Variants in CTNNA3 observed in about 807,000 individuals in gnomAD.
CTNNA3 encodes the protein catenin alpha-3.
In CTNNA3, 76 loss-of-function variants were observed where a neutral mutation model predicts 95.7. The observed-to-expected ratio is 0.79, with a 90% CI of 0.66 to 0.96. The LOEUF is 0.96. CTNNA3 is among the 40% of genes least tolerant of loss of function. CTNNA3 has a pLI of 0.00. For synonymous variants in CTNNA3, 431 were observed against 374.4 expected, an observed-to-expected ratio of 1.15 and a Z score of -1.74; for missense variants, 1,191 against 1,089.8, an observed-to-expected ratio of 1.09 and a Z score of -1.31.
At chr10:66,464,155 T>C (rs1316699957) in intron 11 of CTNNA3, among the ~76,000 whole-genome samples, 2 of 152,156 alleles carry the variant, frequency 1.3e-5, no homozygotes, top group Non-Finnish European at 2.9e-5. Flanking sequence ...TAGGGAACTT[T>C]AAACTTTGTT....
intron 5 of CTNNA3, among the ~76,000 whole-genome samples, chr10:67,310,859 G>C (rs1040913836): frequency 6.6e-6 from 1 of 152,160 alleles, no homozygotes; most frequent in African/African-American, 2.4e-5. Context: ...TTCAAGATGA[G>C]ACTTGTGTGG....
chr10:67,578,998 T>G (rs1169713988), intron 3 of CTNNA3, among the ~76,000 whole-genome samples: 65 of 49,998 alleles, frequency 1.3e-3, no homozygotes, highest in African/African-American at 0.011. Flanking sequence ...ATCATAGTGA[T>G]ATATATATAT....
intron 5 of CTNNA3, among the ~76,000 whole-genome samples, chr10:67,497,906 T>G (rs535690917): frequency 6.6e-6 from 1 of 152,358 alleles, no homozygotes; most frequent in African/African-American, 2.4e-5. Context: ...TGATAATAGT[T>G]TCTTTTGCTG....
At chr10:67,716,951 A>G (rs1050879068) in intron 1 of CTNNA3, among the ~76,000 whole-genome samples, 11 of 152,186 alleles carry the variant, frequency 7.2e-5, no homozygotes, top group Non-Finnish European at 1.5e-4. Flanking sequence ...GTGTAAAGGC[A>G]TTCCTATTTC....
chr10:67,693,605 A>T (rs1220482261), intron 1 of CTNNA3, among the ~76,000 whole-genome samples: 1 of 152,194 alleles, frequency 6.6e-6, no homozygotes, highest in Non-Finnish European at 1.5e-5. Flanking sequence ...ATTATTACTG[A>T]ATAATAAAAA....
chr10:67,574,378 T>G (rs533844081), intron 3 of CTNNA3, among the ~76,000 whole-genome samples: 1 of 152,276 alleles, frequency 6.6e-6, no homozygotes, highest in South Asian at 2.1e-4. Flanking sequence ...CAATGTTTGA[T>G]AATTTGAATT....
chr10:66,673,361 T>C (rs1846733430), intron 9 of CTNNA3, among the ~76,000 whole-genome samples: 1 of 152,112 alleles, frequency 6.6e-6, no homozygotes, highest in Non-Finnish European at 1.5e-5. Context: ...TTGATGTAGC[T>C]AAAAAATATT....
chr10:67,599,033 T>C (rs2133364082), intron 3 of CTNNA3, among the ~76,000 whole-genome samples: 1 of 152,324 alleles, frequency 6.6e-6, no homozygotes. Flanking sequence ...AAAGTTTGAA[T>C]CCTGCAAGTT....
chr10:66,202,366 A>C (rs2087483204), intron 13 of CTNNA3, among the ~76,000 whole-genome samples: 1 of 152,192 alleles, frequency 6.6e-6, no homozygotes, highest in South Asian at 2.1e-4. Flanking sequence ...AACTGTTGTT[A>C]GAATCATGTT....
In CTNNA3 at chr10:66,972,703, T is replaced by C. The variant is rs1213468468; in HGVS notation, c.1048-197179A>G. ...ATTTAAAGGTTCTGTCAAATAGATT[T>C]TTTTTTTTTTTTTTTTTTTTTTTAT... On this transcript the variant is annotated intron_variant, in intron 7 of 17. Coordinates refer to ENST00000433211, the MANE Select transcript of CTNNA3 (RefSeq NM_013266.4). Among the ~76,000 whole-genome samples the C allele has an allele frequency of 2.3e-4, 3 of 13,106 alleles. No homozygotes were observed. In the Admixed American group the frequency reaches 3.5e-3, roughly 15 times the overall value. The allele number at this position is 13,106 out of a possible 152,430, so 8.6% of individuals were successfully genotyped here.
intron 14 of CTNNA3, among the ~76,000 whole-genome samples, chr10:66,073,673 C>T (rs2080487936): frequency 6.6e-6 from 1 of 151,890 alleles, no homozygotes; most frequent in African/African-American, 2.4e-5. Context: ...TTAATATTAC[C>T]ATTCCTGCTG....
At chr10:66,880,016 T>A (rs905545096) in intron 7 of CTNNA3, among the ~76,000 whole-genome samples, 1 of 152,014 alleles carries the variant, frequency 6.6e-6, no homozygotes, top group African/African-American at 2.4e-5. Context: ...AACCAGTGTT[T>A]AAAGAAGATT....
intron 6 of CTNNA3, among the ~76,000 whole-genome samples, chr10:67,181,172 A>G (rs1343055223): frequency 2.0e-5 from 3 of 152,222 alleles, no homozygotes; most frequent in South Asian, 4.1e-4. Context: ...TAACTTTAAC[A>G]CTAACATATC....
chr10:66,437,909 A>G (rs1192222589), intron 11 of CTNNA3, among the ~76,000 whole-genome samples: 2 of 151,882 alleles, frequency 1.3e-5, no homozygotes, highest in Admixed American at 1.3e-4. Context: ...GTTGATGTTG[A>G]TGCTATTGCT....
intron 13 of CTNNA3, among the ~76,000 whole-genome samples, chr10:66,136,192 G>A (rs1224223453): frequency 2.6e-5 from 4 of 152,116 alleles, no homozygotes; most frequent in Admixed American, 1.3e-4. Context: ...GTGAGCCACC[G>A]CGCCAGGCCA....
chr10:66,890,824 T>C (rs891455162), intron 7 of CTNNA3, among the ~76,000 whole-genome samples: 1 of 152,124 alleles, frequency 6.6e-6, no homozygotes, highest in Non-Finnish European at 1.5e-5. Flanking sequence ...AGAATGGTGA[T>C]GCAGGGACGA....
intron 14 of CTNNA3, among the ~76,000 whole-genome samples, chr10:66,086,223 A>C (rs899956114): frequency 6.6e-6 from 1 of 152,148 alleles, no homozygotes; most frequent in Admixed American, 6.6e-5. Context: ...TAGTACTGAG[A>C]CAGGATATAG....
rs138947952 is a variant in CTNNA3 at position 66,840,372 on chromosome 10, TCACACACA to T, written c.1048-64856_1048-64849del. Among the ~76,000 whole-genome samples, 351 of 71,282 alleles carry T rather than the reference TCACACACA, an allele frequency of 4.9e-3. 2 individuals are homozygous for T. Among genetic ancestry groups the T allele is most frequent in the African/African-American group, 0.018 (224 of 12,758 alleles). 46.8% of individuals were successfully genotyped at this position (71,282 alleles called of 152,430 possible). On this transcript the variant is annotated intron_variant, in intron 7 of 17. Coordinates refer to ENST00000433211, the MANE Select transcript of CTNNA3 (RefSeq NM_013266.4). ...CTCTCTCTCTCTCTCTCTCTCTCTC[TCACACACA>T]CACACACACACACACACACACACAC... is the stretch of plus-strand genomic sequence containing the variant.
intron 11 of CTNNA3, among the ~76,000 whole-genome samples, chr10:66,403,084 A>T (rs1428235726): frequency 6.6e-6 from 1 of 151,918 alleles, no homozygotes; most frequent in African/African-American, 2.4e-5. Flanking sequence ...AAGAAATCCC[A>T]CCCTTTTAGG....
Sources: allele counts gnomAD v4.1 joint callset (sites outside exome capture counted in the v4.1 genomes callset), GRCh38; gene constraint gnomAD v4.1.1; transcripts MANE v1.5; gene names NCBI Gene and HGNC (gene_info 2026-07-23, HGNC 2026-07-21).